AKAP13: variants seen among roughly 807,000 people sequenced by gnomAD.
The protein encoded by AKAP13 is A-kinase anchoring protein 13.
Under a neutral mutation model 264.5 loss-of-function variants are expected in AKAP13, and 80 were observed. The ratio of observed to expected loss-of-function variants is 0.30; its 90% CI spans 0.25 to 0.36. The LOEUF is 0.36. AKAP13 is among the 10% of genes least tolerant of loss of function. The pLI, the probability that AKAP13 is intolerant of heterozygous loss-of-function variation, is 1.00. For missense variants in AKAP13, 3,712 were observed against 3,435.2 expected (o/e 1.08, Z -2.01); for synonymous variants, 1,380 against 1,250.2 (o/e 1.10, Z -2.19).
At position 85,746,264 on chromosome 15, in the gene AKAP13, A is replaced by C. The variant is rs974744291; in HGVS notation, c.*1587A>C. ...TTATTTGAAAGAGGTCTGGTTTAAA[A>C]TTTGTAGCCTACATTTGTTTTATTT... On this transcript the variant is annotated 3_prime_UTR_variant, in exon 37 of 37. Coordinates refer to ENST00000394518, the MANE Select transcript of AKAP13 (RefSeq NM_007200.5). The C allele has an allele frequency of 2.0e-5, 3 of 152,556 alleles. No individual in the cohort carries two copies. The East Asian group carries it at 5.8e-4, about 29-fold the overall frequency. 9.5% of individuals were successfully genotyped at this position (152,556 alleles called of 1,614,324 possible).
chr15:85,398,696 C>T (rs1438235410), intron 1 of AKAP13, among the ~76,000 whole-genome samples: 5 of 152,152 alleles, frequency 3.3e-5, no homozygotes, highest in Admixed American at 6.5e-5. Flanking sequence ...GCTGGGATTA[C>T]AGGCACATGC....
At chr15:85,631,498 TCTCTCACACA>T (rs1383926969) in intron 8 of AKAP13, among the ~76,000 whole-genome samples, 158 of 66,564 alleles carry the variant, frequency 2.4e-3, no homozygotes, top group Middle Eastern at 0.014. Context: ...TCTCTCTCTC[TCTCTCACACA>T]CACACACACA....
At chr15:85,459,025 G>A (rs1480736186) in intron 1 of AKAP13, among the ~76,000 whole-genome samples, 1 of 152,198 alleles carries the variant, frequency 6.6e-6, no homozygotes, top group Non-Finnish European at 1.5e-5. Flanking sequence ...TTGTGCGAAT[G>A]ATTCCCAAAT....
At chr15:85,553,084 CTTTTTT>C (rs10693195) in intron 5 of AKAP13, among the ~76,000 whole-genome samples, 3 of 120,396 alleles carry the variant, frequency 2.5e-5, no homozygotes, top group Middle Eastern at 3.9e-3. Context: ...ATCTGTAATT[CTTTTTT>C]TTTTTTTTTT....
At chr15:85,601,471 A>C (rs2080067142) in intron 8 of AKAP13, among the ~76,000 whole-genome samples, 1 of 152,318 alleles carries the variant, frequency 6.6e-6, no homozygotes, top group African/African-American at 2.4e-5. Flanking sequence ...GTTAAGTTAG[A>C]AAGCTCTCAC....
chr15:85,574,439 A>G (rs893781053), intron 5 of AKAP13, among the ~76,000 whole-genome samples: 10 of 152,242 alleles, frequency 6.6e-5, no homozygotes, highest in Non-Finnish European at 1.5e-5. Context: ...CAGTTGGCGT[A>G]TAATGGTGGA....
At chr15:85,392,202 T>C (rs2070894432) in intron 1 of AKAP13, among the ~76,000 whole-genome samples, 1 of 152,012 alleles carries the variant, frequency 6.6e-6, no homozygotes, top group African/African-American at 2.4e-5. Context: ...ATTCCATTTT[T>C]TTTTTTACTA....
In AKAP13 at chr15:85,521,378, C is replaced by T. The variant is rs367675924; in HGVS notation, c.34-50C>T. ...TATGATGTTTGATAAAGATAGGCTG[C>T]GAAGAGGAACCTTACTAATGTAAAC... is the stretch of plus-strand genomic sequence containing the variant. On this transcript the variant is annotated intron_variant, in intron 2 of 36. Transcript: ENST00000394518. The T allele has an allele frequency of 3.9e-5, 62 of 1,592,450 alleles. No homozygotes were observed. In the East Asian group the frequency reaches 6.3e-4, roughly 16 times the overall value.
intron 16 of AKAP13, among the ~76,000 whole-genome samples, chr15:85,686,167 ATGTGTGTGTGTGCACGTGCATGCATG>A (rs1567195131): frequency 2.8e-5 from 3 of 105,534 alleles, no homozygotes; most frequent in Non-Finnish European, 5.9e-5. Flanking sequence ...GTGTGTGTGT[ATGTGTGTGTGTGCACGTGCATGCATG>A]TGTGTGTGTG....
intron 14 of AKAP13, chr15:85,677,089 G>A (rs1286984344): frequency 2.0e-6 from 2 of 985,318 alleles, no homozygotes; most frequent in Non-Finnish European, 2.4e-6. Flanking sequence ...TGAGGAGGAG[G>A]AGTTGCATAG....
intron 3 of AKAP13, 109 bp downstream of exon 3, chr15:85,521,684 A>T (rs1388580261): frequency 8.3e-7 from 1 of 1,210,986 alleles, no homozygotes. Flanking sequence ...ACAGTATAAA[A>T]AAATTTATTA....
intron 26 of AKAP13, among the ~76,000 whole-genome samples, chr15:85,725,276 T>C (rs929925607): frequency 2.6e-5 from 4 of 152,066 alleles, no homozygotes; most frequent in Admixed American, 2.0e-4. Context: ...CAGTACTATG[T>C]TGGGTACTCT....
intron 1 of AKAP13, among the ~76,000 whole-genome samples, chr15:85,421,462 A>G (rs2072516842): frequency 6.6e-6 from 1 of 152,264 alleles, no homozygotes; most frequent in African/African-American, 2.4e-5. Flanking sequence ...GAGCACAGGA[A>G]GTGGAATAAA....
rs371718987 is a variant in AKAP13 at position 85,708,091 on chromosome 15, G to T, written c.5532+5G>T. 22 of 1,613,442 alleles carry T rather than the reference G, an allele frequency of 1.4e-5. No individual in the cohort carries two copies. Among genetic ancestry groups the T allele is most frequent in the Non-Finnish European group, 1.9e-5 (22 of 1,179,616 alleles). On this transcript the variant is annotated splice_donor_5th_base_variant and intron_variant, in intron 18 of 36. Coordinates refer to ENST00000394518, the MANE Select transcript of AKAP13 (RefSeq NM_007200.5). The surrounding 1 kb of genome is among the most constrained non-coding windows in gnomAD (Gnocchi z 4.3). ...TGTGCAAAGGTCAAAATGAAGGTAAGACTTTCTGGCTAAAACAAGGCTTAA... is the reference window on the plus strand; with the variant it reads ...TGTGCAAAGGTCAAAATGAAGGTAATACTTTCTGGCTAAAACAAGGCTTAA...
intron 25 of AKAP13, 21 bp from the exon 26 acceptor site, chr15:85,723,049 CAG>C (rs2087397404): frequency 6.2e-7 from 1 of 1,602,514 alleles, no homozygotes; most frequent in East Asian, 2.2e-5. Context: ...CCATAAAAAA[CAG>C]AATTATTCTT....
chr15:85,656,180 A>G (rs535153853), intron 11 of AKAP13, among the ~76,000 whole-genome samples: 5 of 152,372 alleles, frequency 3.3e-5, no homozygotes, highest in African/African-American at 1.2e-4. Flanking sequence ...AGAAACAAAC[A>G]TGAAGTCTTA....
intron 1 of AKAP13, among the ~76,000 whole-genome samples, chr15:85,463,688 A>C (rs1054840759): frequency 1.3e-5 from 2 of 152,168 alleles, no homozygotes; most frequent in Non-Finnish European, 2.9e-5. Context: ...GAGAAAGGGC[A>C]AAAAGGAGAC....
intron 8 of AKAP13, among the ~76,000 whole-genome samples, chr15:85,630,166 TACACACACACAC>T (rs59852934): frequency 8.2e-4 from 82 of 100,184 alleles, no homozygotes; most frequent in East Asian, 5.5e-3. Context: ...TTTTAACACA[TACACACACACAC>T]ACACACACAC....
At chr15:85,583,984 A>G (rs1002339609) in intron 7 of AKAP13, among the ~76,000 whole-genome samples, 2 of 152,208 alleles carry the variant, frequency 1.3e-5, no homozygotes, top group Non-Finnish European at 2.9e-5. Flanking sequence ...TGATGGTCTC[A>G]GACTACAGAG....
Sources: gnomAD v4.1 joint callset for allele counts (sites outside exome capture counted in the v4.1 genomes callset) on GRCh38, gnomAD v4.1.1 for gene constraint, Gnocchi (gnomAD v3.1) non-coding constraint, MANE v1.5 for transcripts, NCBI Gene and HGNC (gene_info 2026-07-23, HGNC 2026-07-21) for gene names.